PTPRN2: variants seen among roughly 807,000 people sequenced by gnomAD.
The protein encoded by PTPRN2 is protein tyrosine phosphatase receptor type N2, also known as receptor-type tyrosine-protein phosphatase N2.
A neutral mutation model predicts 118.8 loss-of-function variants in PTPRN2; 74 were observed. That is an observed-to-expected ratio of 0.62 (90% CI 0.52 to 0.76). The LOEUF is 0.76. Among genes scored for constraint, PTPRN2 ranks in the 30% least tolerant of loss-of-function variants. PTPRN2 has a pLI of 0.00. For missense variants in PTPRN2, 1,481 were observed against 1,394.4 expected, an observed-to-expected ratio of 1.06 and a Z score of -0.99; for synonymous variants, 641 against 608.0, an observed-to-expected ratio of 1.05 and a Z score of -0.80.
At chr7:158,474,626 T>C (rs557989546) in intron 2 of PTPRN2, among the ~76,000 whole-genome samples, 2 of 152,186 alleles carry the variant, frequency 1.3e-5, no homozygotes, top group Non-Finnish European at 2.9e-5. Context: ...GCACCCCTCC[T>C]CCGAGAGGGA....
chr7:158,461,118 C>A (rs1444689120), intron 2 of PTPRN2, among the ~76,000 whole-genome samples: 1 of 152,206 alleles, frequency 6.6e-6, no homozygotes, highest in Non-Finnish European at 1.5e-5. Flanking sequence ...TCAGAAGTGA[C>A]CTGGTCAAGA....
chr7:157,577,959 G>T, intron 18 of PTPRN2, 62 bp downstream of exon 18: 1 of 1,479,232 alleles, frequency 6.8e-7, no homozygotes, highest in Non-Finnish European at 9.1e-7. Context: ...ATTCGGAGGA[G>T]GAGCAGGGCC....
chr7:158,337,491 C>A (rs541129317), intron 2 of PTPRN2, among the ~76,000 whole-genome samples: 26 of 151,462 alleles, frequency 1.7e-4, no homozygotes, highest in Middle Eastern at 3.4e-3. Flanking sequence ...GTGACACCTG[C>A]AGACGTCACT....
rs568264943 is a variant in PTPRN2 at position 157,872,554 on chromosome 7, C to T, written c.1788+26119G>A. On this transcript the variant is annotated intron_variant, in intron 12 of 22. Coordinates refer to ENST00000389418, the MANE Select transcript of PTPRN2 (RefSeq NM_002847.5). ...CACATGGATACCCAGTGCCTTCCCACGCTATGTCCTCACAGCTGTTTCCCC... is the reference window on the plus strand; with the variant it reads ...CACATGGATACCCAGTGCCTTCCCATGCTATGTCCTCACAGCTGTTTCCCC... Among the ~76,000 whole-genome samples the T allele has an allele frequency of 3.9e-5, 6 of 152,384 alleles. No individual in the cohort carries two copies. In the South Asian group the frequency reaches 6.2e-4, roughly 16 times the overall value.
At chr7:157,733,025 T>C (rs1216631898) in intron 12 of PTPRN2, among the ~76,000 whole-genome samples, 3 of 24,410 alleles carry the variant, frequency 1.2e-4, no homozygotes, top group African/African-American at 4.4e-4. Flanking sequence ...CCCTTTCCCG[T>C]CCCACGCGCC....
intron 9 of PTPRN2, among the ~76,000 whole-genome samples, chr7:158,125,359 C>T (rs962497109): frequency 5.3e-5 from 8 of 150,720 alleles, no homozygotes; most frequent in South Asian, 2.1e-4. Flanking sequence ...CCCCCTGCCT[C>T]GCGTCCCTCC....
chr7:157,817,454 T>A (rs1806484112), intron 12 of PTPRN2, among the ~76,000 whole-genome samples: 1 of 152,068 alleles, frequency 6.6e-6, no homozygotes, highest in South Asian at 2.1e-4. Flanking sequence ...CACATGAGTA[T>A]CAGGCAGATG....
chr7:157,933,866 C>T (rs1463159621), intron 11 of PTPRN2, among the ~76,000 whole-genome samples: 1 of 148,928 alleles, frequency 6.7e-6, no homozygotes, highest in Non-Finnish European at 1.5e-5. Context: ...ATGAGTCACT[C>T]TGATTGACAG....
intron 3 of PTPRN2, among the ~76,000 whole-genome samples, chr7:158,268,614 AGGGC>A: frequency 7.7e-6 from 1 of 130,348 alleles, no homozygotes; most frequent in East Asian, 2.5e-4. Flanking sequence ...GCAGGCACAC[AGGGC>A]GGGTGTGAAA....
At chr7:158,103,478 C>T (rs1007223410) in intron 10 of PTPRN2, among the ~76,000 whole-genome samples, 1 of 152,222 alleles carries the variant, frequency 6.6e-6, no homozygotes, top group Non-Finnish European at 1.5e-5. Context: ...TGGCTGTGCC[C>T]ATGGAGCAGC....
chr7:158,571,532 T>C (rs1828042179), intron 1 of PTPRN2, among the ~76,000 whole-genome samples: 2 of 143,822 alleles, frequency 1.4e-5, no homozygotes, highest in African/African-American at 2.7e-5. Context: ...TTTCTTTTTT[T>C]TTTTTTTTTT....
intron 11 of PTPRN2, among the ~76,000 whole-genome samples, chr7:158,054,041 C>G (rs149855991): frequency 1.4e-5 from 2 of 146,694 alleles, no homozygotes; most frequent in African/African-American, 5.3e-5. Flanking sequence ...GATGCAGAGA[C>G]CCCAGAGATG....
rs762120973 is a variant in PTPRN2 at position 157,622,552 on chromosome 7, G to A, written c.2197-1043C>T. On this transcript the variant is annotated intron_variant, in intron 14 of 22. Coordinates refer to ENST00000389418, the MANE Select transcript of PTPRN2 (RefSeq NM_002847.5). The surrounding 1 kb of genome is among the most constrained non-coding windows in gnomAD (Gnocchi z 5.3). Reference sequence around the variant, plus strand: ...GAGGGAGGGCTGGACACGGCGAGGCGGGAATCTCAGGTCATCGTGCCGTCT... The same window carrying A: ...GAGGGAGGGCTGGACACGGCGAGGCAGGAATCTCAGGTCATCGTGCCGTCT... Among the ~76,000 whole-genome samples, 7 of 152,146 alleles carry A rather than the reference G, an allele frequency of 4.6e-5. No individual in the cohort carries two copies. The highest frequency in any genetic ancestry group is 2.1e-4 in the South Asian group (1 of 4,826).
chr7:158,081,190 G>C, intron 11 of PTPRN2, 108 bp downstream of exon 11: 1 of 1,135,862 alleles, frequency 8.8e-7, no homozygotes, highest in South Asian at 1.3e-5. Context: ...TGCCCCATGT[G>C]GGTAGTGTGA....
Position 157,621,524 on chromosome 7 carries a change from C to T in PTPRN2, c.2197-15G>A. On this transcript the variant is annotated splice_polypyrimidine_tract_variant and intron_variant, in intron 14 of 22. Coordinates refer to ENST00000389418, the MANE Select transcript of PTPRN2 (RefSeq NM_002847.5). Reference sequence around the variant, plus strand: ...TCCATGTAGGACTGAAAGGGAAACACAGGGTCAGGAGCGCACCTAGGTGGT... The same window carrying T: ...TCCATGTAGGACTGAAAGGGAAACATAGGGTCAGGAGCGCACCTAGGTGGT... 1 of 1,611,020 alleles carries T rather than the reference C, an allele frequency of 6.2e-7. No individual in the cohort carries two copies.
chr7:158,118,390 G>C (rs1437375370), intron 9 of PTPRN2, among the ~76,000 whole-genome samples: 1 of 152,120 alleles, frequency 6.6e-6, no homozygotes, highest in Non-Finnish European at 1.5e-5. Flanking sequence ...AAAGAAAATA[G>C]CTACATAATA....
chr7:158,387,561 G>A (rs1811551836), intron 2 of PTPRN2, among the ~76,000 whole-genome samples: 1 of 152,298 alleles, frequency 6.6e-6, no homozygotes, highest in Non-Finnish European at 1.5e-5. Flanking sequence ...GGGGGCTGCG[G>A]CATCCCTGTC....
chr7:157,980,922 G>A (rs1257660588), intron 11 of PTPRN2, among the ~76,000 whole-genome samples: 1 of 151,992 alleles, frequency 6.6e-6, no homozygotes, highest in Non-Finnish European at 1.5e-5. Flanking sequence ...ACGGGCACTG[G>A]GGACAGGGGA....
intron 11 of PTPRN2, among the ~76,000 whole-genome samples, chr7:158,079,016 T>A (rs1812596949): frequency 6.6e-6 from 1 of 152,124 alleles, no homozygotes. Flanking sequence ...AATTTTTTTG[T>A]ATTTTTAGTA....
Sources: allele counts gnomAD v4.1 joint callset (sites outside exome capture counted in the v4.1 genomes callset), GRCh38; gene constraint gnomAD v4.1.1; non-coding constraint Gnocchi (gnomAD v3.1); transcripts MANE v1.5; gene names NCBI Gene and HGNC (gene_info 2026-07-23, HGNC 2026-07-21).